NOX4: variants seen among roughly 807,000 people sequenced by gnomAD.
NOX4 encodes the protein kidney oxidase-1.
In NOX4, 69 loss-of-function variants were observed where a neutral mutation model predicts 87.6. That is an observed-to-expected ratio of 0.79 (90% confidence interval 0.65 to 0.96). The LOEUF is 0.96. Ranked by LOEUF, NOX4 falls within the 40% of genes least tolerant of loss-of-function variation. The pLI, the probability that NOX4 is intolerant of heterozygous loss-of-function variation, is 0.00. For missense variants in NOX4, 680 were observed against 681.5 expected (o/e 1.00, Z 0.02); for synonymous variants, 275 against 238.2 (o/e 1.15, Z -1.42).
chr11:89,551,634 A>G, the NOX4 span, among the ~76,000 whole-genome samples: 1 of 152,154 alleles, frequency 6.6e-6, no homozygotes, highest in Non-Finnish European at 1.5e-5. Flanking sequence ...TGATTTTTGC[A>G]CATTGATTTG....
chr11:89,365,217 T>C (rs1393134573), intron 12 of NOX4, among the ~76,000 whole-genome samples: 1 of 152,100 alleles, frequency 6.6e-6, no homozygotes, highest in Admixed American at 6.6e-5. Context: ...GATCCTTTTA[T>C]TTCCAGGGGG....
At position 89,335,893 on chromosome 11, in the gene NOX4, C is replaced by T. The variant is rs779309020; in HGVS notation, c.1568G>A (p.Arg523His). 11 of 1,600,148 alleles carry T rather than the reference C, an allele frequency of 6.9e-6. No individual in the cohort carries two copies. The highest frequency in any genetic ancestry group is 2.3e-5 in the South Asian group (2 of 87,766). ...HALNSRLFIG[R>H]PRWKLLFDEI... ...ATCAAACAAAAGTTTCCACCGAGGA[C>T]GTCCTATAAACAGTCTTGAATTCAG... is the stretch of plus-strand genomic sequence containing the variant. The change falls in exon 17 of 18, where the codon CGT (arginine) becomes CAT (histidine). Residue 523 changes from arginine (R) to histidine (H), a missense_variant. Arg to His is a conservative substitution (Grantham distance 29). Coordinates refer to ENST00000263317, the MANE Select transcript of NOX4 (RefSeq NM_016931.5).
intron 17 of NOX4, among the ~76,000 whole-genome samples, chr11:89,332,339 A>T (rs1945509358): frequency 6.6e-6 from 1 of 151,890 alleles, no homozygotes; most frequent in South Asian, 2.1e-4. Flanking sequence ...CCAATCCCAG[A>T]GTAGTAATTC....
chr11:89,522,097 C>T, the NOX4 span, among the ~76,000 whole-genome samples: 1 of 152,152 alleles, frequency 6.6e-6, no homozygotes, highest in African/African-American at 2.4e-5. Context: ...TTTGTTCAGC[C>T]ACTCTGGAAA....
In NOX4 at chr11:89,405,596, A is replaced by G. The variant is rs1389928729; in HGVS notation, c.630-3054T>C. Among the ~76,000 whole-genome samples the G allele has an allele frequency of 2.6e-5, 4 of 151,716 alleles. No homozygotes were observed. The South Asian group carries it at 6.3e-4, about 24-fold the overall frequency. ...CACCAAAGAAATATGGATAAGATCT[A>G]AAGACAGACAATGATAAAATCATTC... On this transcript the variant is annotated intron_variant, in intron 8 of 17. Coordinates refer to ENST00000263317, the MANE Select transcript of NOX4 (RefSeq NM_016931.5).
Position 89,340,112 on chromosome 11 carries a change from A to G in NOX4, c.1397T>C (p.Ile466Thr), listed in dbSNP as rs1165285206. The G allele has an allele frequency of 8.2e-6, 13 of 1,581,574 alleles. No individual in the cohort carries two copies. The highest frequency in any genetic ancestry group is 1.1e-5 in the Non-Finnish European group (13 of 1,169,588). ...RLYFIWVCRD[I>T]QSFRWFADLL... ...ATCTGCAAACCAACGGAAGGACTGGATATCTCTGCATACCCAAATAAAGTA... is the reference window on the plus strand; with the variant it reads ...ATCTGCAAACCAACGGAAGGACTGGGTATCTCTGCATACCCAAATAAAGTA... The change falls in exon 15 of 18, where the codon ATC becomes ACC. Residue 466 changes from isoleucine (I) to threonine (T), a missense_variant. Transcript: ENST00000263317.
chr11:89,543,680 A>T, the NOX4 span, among the ~76,000 whole-genome samples: 1 of 152,236 alleles, frequency 6.6e-6, no homozygotes, highest in African/African-American at 2.4e-5. Flanking sequence ...AATTTATATA[A>T]GAAGTATAGT....
At chr11:89,483,993 C>T (rs192419948) in intron 2 of NOX4, among the ~76,000 whole-genome samples, 130 of 152,162 alleles carry the variant, frequency 8.5e-4, no homozygotes, top group African/African-American at 3.1e-3. Context: ...CTCAGTTTCT[C>T]AGCTACAAAA....
intron 2 of NOX4, among the ~76,000 whole-genome samples, chr11:89,486,576 ATGTGTG>A (rs1266827728): frequency 3.6e-5 from 5 of 137,276 alleles, no homozygotes; most frequent in African/African-American, 1.4e-4. Context: ...ATACATATAT[ATGTGTG>A]TATATATGTG....
chr11:89,348,838 T>C lies in NOX4; in HGVS notation c.1217+6124A>G, dbSNP rs367671772. Among the ~76,000 whole-genome samples, 82 of 152,284 alleles carry C rather than the reference T, an allele frequency of 5.4e-4. 1 individual carries two copies. The highest frequency in any genetic ancestry group is 1.7e-3 in the African/African-American group (69 of 41,572). On this transcript the variant is annotated intron_variant, in intron 13 of 17. Transcript: ENST00000263317. ...CCCAGCTCTGCCATGTGACTTTGGG[T>C]AGGGCATTTACCTCTTTGAATCTCA...
At chr11:89,448,236 C>A (rs1385952674) in intron 4 of NOX4, among the ~76,000 whole-genome samples, 2 of 152,096 alleles carry the variant, frequency 1.3e-5, no homozygotes, top group African/African-American at 4.8e-5. Context: ...ACAACAACAA[C>A]AGCAAATTGA....
intron 6 of NOX4, among the ~76,000 whole-genome samples, chr11:89,438,081 T>A (rs1413493083): frequency 6.6e-6 from 1 of 151,186 alleles, no homozygotes; most frequent in Non-Finnish European, 1.5e-5. Context: ...GAAATTTGTA[T>A]TAAGTGTCTT....
the NOX4 span, among the ~76,000 whole-genome samples, chr11:89,560,120 G>GAC: frequency 9.9e-5 from 15 of 151,658 alleles, no homozygotes; most frequent in Non-Finnish European, 2.2e-4. Flanking sequence ...TTTGGACACA[G>GAC]ACACACACAC....
chr11:89,343,769 C>T (rs1291013029), intron 13 of NOX4, among the ~76,000 whole-genome samples: 1 of 151,892 alleles, frequency 6.6e-6, no homozygotes, highest in Non-Finnish European at 1.5e-5. Flanking sequence ...TAAAGTCTTG[C>T]TATAACATAG....
chr11:89,504,513 T>C, the NOX4 span, among the ~76,000 whole-genome samples: 2 of 151,914 alleles, frequency 1.3e-5, no homozygotes, highest in South Asian at 4.1e-4. Context: ...AGATAGGTGA[T>C]AAGAGACAAT....
rs1391346204 is a variant in NOX4 at position 89,389,970 on chromosome 11, C to A, written c.1074+10047G>T. Among the ~76,000 whole-genome samples the A allele has an allele frequency of 3.3e-5, 5 of 152,070 alleles. No individual in the cohort carries two copies. In the South Asian group the frequency reaches 6.2e-4, roughly 19 times the overall value. On this transcript the variant is annotated intron_variant, in intron 11 of 17. Coordinates refer to ENST00000263317, the MANE Select transcript of NOX4 (RefSeq NM_016931.5). Reference sequence around the variant, plus strand: ...AATATTTGCAAAAGCTATGAAAGAACCTCTTAGGCACTTAATTAGTAGGTA... The same window carrying A: ...AATATTTGCAAAAGCTATGAAAGAAACTCTTAGGCACTTAATTAGTAGGTA...
intron 7 of NOX4, among the ~76,000 whole-genome samples, chr11:89,431,289 A>G (rs1480434843): frequency 6.6e-6 from 1 of 152,130 alleles, no homozygotes; most frequent in African/African-American, 2.4e-5. Flanking sequence ...CAGGACATAC[A>G]CATGAGCAAG....
chr11:89,443,196 C>A (rs766948533), intron 5 of NOX4, among the ~76,000 whole-genome samples: 9 of 152,088 alleles, frequency 5.9e-5, no homozygotes, highest in Non-Finnish European at 1.2e-4. Flanking sequence ...TCAAAAGTTG[C>A]TGGCTATTTT....
At chr11:89,429,419 A>G (rs1242253430) in intron 7 of NOX4, among the ~76,000 whole-genome samples, 1 of 152,054 alleles carries the variant, frequency 6.6e-6, no homozygotes, top group Non-Finnish European at 1.5e-5. Context: ...ATGAATGCAG[A>G]AGCTGGTTTT....
Sources: gnomAD v4.1 joint callset for allele counts (sites outside exome capture counted in the v4.1 genomes callset) on GRCh38, gnomAD v4.1.1 for gene constraint, MANE v1.5 for transcripts, NCBI Gene and HGNC (gene_info 2026-07-23, HGNC 2026-07-21) for gene names.